Variants in CMPK2 observed in about 807,000 individuals in gnomAD.
The protein encoded by CMPK2 is cytidine/uridine monophosphate kinase 2.
CMPK2 carries 32 observed loss-of-function variants against 33.4 expected under a neutral mutation model. That is an observed-to-expected ratio of 0.96 (90% confidence interval 0.72 to 1.29). The LOEUF is 1.29. Ranked by LOEUF, CMPK2 falls within the 50% of genes most tolerant of loss-of-function variation. The pLI, the probability that CMPK2 is intolerant of heterozygous loss-of-function variation, is 0.00. For synonymous variants in CMPK2, 299 were observed against 275.3 expected (o/e 1.09, Z -0.85); for missense variants, 672 against 616.0 (o/e 1.09, Z -0.96).
chr2:6,843,278 C>A (rs1026062437), intron 3 of CMPK2, among the ~76,000 whole-genome samples: 26 of 152,114 alleles, frequency 1.7e-4, no homozygotes, highest in African/African-American at 6.0e-4. Context: ...TTTGAGTTAG[C>A]AAAGTATTAG....
chr2:6,863,464 C>G lies in CMPK2; in HGVS notation c.790G>C (p.Gly264Arg). The change falls in exon 2 of 5, where the codon GGT becomes CGT. Residue 264 changes from glycine (G) to arginine (R), a missense_variant and splice_region_variant. Physicochemically the swap from Gly to Arg is moderately radical, Grantham distance 125 (BLOSUM62 -2). Transcript: ENST00000256722. ...TAACTAAAAGGTAATATTATCTTACCCGTGGCATCCAGTCCTTCGATGGCA... is the reference window on the plus strand; with the variant it reads ...TAACTAAAAGGTAATATTATCTTACGCGTGGCATCCAGTCCTTCGATGGCA... ...VVAIEGLDAT[G>R]KTTVTQSVAD... is the part of the protein sequence containing the mutation. 6.2e-7 allele frequency: 1 copy of G among 1,611,934 alleles called. No homozygotes were observed. The highest frequency in any genetic ancestry group is 8.5e-7 in the Non-Finnish European group (1 of 1,178,180).
chr2:6,850,005 T>C (rs1485224073), intron 4 of CMPK2, 32 bp from the exon 5 acceptor site: 1 of 1,535,290 alleles, frequency 6.5e-7, no homozygotes, highest in East Asian at 2.3e-5. Flanking sequence ...AGAGTTGGTC[T>C]ACTTTTTCAC....
At chr2:6,843,823 A>G (rs1182192412), downstream of CMPK2, among the ~76,000 whole-genome samples, 4 of 152,212 alleles carry the variant, frequency 2.6e-5, no homozygotes, top group Non-Finnish European at 4.4e-5. Context: ...GGAGGAGAGA[A>G]GGTCAGGACT....
intron 1 of CMPK2, among the ~76,000 whole-genome samples, 158 bp downstream of exon 1, chr2:6,864,864 G>T (rs1231038398): frequency 6.6e-6 from 1 of 152,198 alleles, no homozygotes; most frequent in East Asian, 1.9e-4. Context: ...TAAAAGAGTT[G>T]CCTGGCATAC....
chr2:6,848,926 GT>G lies in CMPK2; in HGVS notation c.*923del. ...ATTTAACAAGACAAATTAAGTTTGT[GT>G]AATGAAAATACACAACAAACATTGC... On this transcript the variant is annotated 3_prime_UTR_variant, in exon 5 of 5. Coordinates refer to ENST00000256722, the MANE Select transcript of CMPK2 (RefSeq NM_207315.4). The G allele has an allele frequency of 1.0e-6, 1 of 985,720 alleles. No homozygotes were observed. The highest frequency in any genetic ancestry group is 1.2e-6 in the Non-Finnish European group (1 of 829,816). 61.1% of individuals were successfully genotyped at this position (985,720 alleles called of 1,614,324 possible).
intron 3 of CMPK2, among the ~76,000 whole-genome samples, chr2:6,841,536 CT>C (rs1662234768): frequency 6.6e-6 from 1 of 152,170 alleles, no homozygotes. Context: ...ATCTTAAGAA[CT>C]TTCCACTGAC....
Position 6,865,735 on chromosome 2 carries a change from A to G in CMPK2, c.-39T>C. The G allele has an allele frequency of 4.7e-6, 6 of 1,274,982 alleles. No individual in the cohort carries two copies. Among genetic ancestry groups the G allele is most frequent in the Non-Finnish European group, 5.9e-6 (6 of 1,011,560 alleles). 79.0% of individuals were successfully genotyped at this position (1,274,982 alleles called of 1,614,324 possible). On this transcript the variant is annotated 5_prime_UTR_variant, in exon 1 of 5. Transcript: ENST00000256722. ...ACGCCGCCCTCGGCCCCGCCTCGGA[A>G]ACGAAACCTGGCGGGAGCCAGGCGC...
At chr2:6,850,086 T>C (rs931057065) in intron 4 of CMPK2, 113 bp from the exon 5 acceptor site, 1 of 735,598 alleles carries the variant, frequency 1.4e-6, no homozygotes, top group African/African-American at 1.8e-5. Flanking sequence ...CCATGTCATT[T>C]ATCTCACTGT....
intron 2 of CMPK2, among the ~76,000 whole-genome samples, chr2:6,862,918 C>T (rs1662925353): frequency 6.6e-6 from 1 of 152,214 alleles, no homozygotes; most frequent in African/African-American, 2.4e-5. Flanking sequence ...ATGTCTGCCC[C>T]TTTTGTACTT....
downstream of CMPK2, among the ~76,000 whole-genome samples, chr2:6,843,715 G>C (rs773054127): frequency 6.6e-6 from 1 of 152,140 alleles, no homozygotes; most frequent in Admixed American, 6.5e-5. Flanking sequence ...GATTAAAAAG[G>C]CATGAGTAAA....
chr2:6,846,705 A>G (rs1558320111), downstream of CMPK2, among the ~76,000 whole-genome samples: 1 of 152,230 alleles, frequency 6.6e-6, no homozygotes. Flanking sequence ...GGGTAGCCCC[A>G]GCCAGAAACC....
intron 3 of CMPK2, among the ~76,000 whole-genome samples, chr2:6,842,779 C>A (rs1171219926): frequency 6.6e-6 from 1 of 152,120 alleles, no homozygotes; most frequent in Non-Finnish European, 1.5e-5. Flanking sequence ...TATCCACAAT[C>A]TGCAAAAAAC....
chr2:6,859,361 T>C (rs1361360064), intron 3 of CMPK2, among the ~76,000 whole-genome samples: 1 of 152,178 alleles, frequency 6.6e-6, no homozygotes, highest in Non-Finnish European at 1.5e-5. Flanking sequence ...CAAATGTTAA[T>C]CACCAAGACA....
chr2:6,854,548 C>T (rs1199650051), intron 3 of CMPK2, among the ~76,000 whole-genome samples: 1 of 152,144 alleles, frequency 6.6e-6, no homozygotes, highest in Non-Finnish European at 1.5e-5. Flanking sequence ...GAAGACAAAT[C>T]AAGGGAAGAA....
chr2:6,848,916 T>G lies in CMPK2; in HGVS notation c.*934A>C. Reference sequence around the variant, plus strand: ...CACTGTACTTATTTAACAAGACAAATTAAGTTTGTGTAATGAAAATACACA... The same window carrying G: ...CACTGTACTTATTTAACAAGACAAAGTAAGTTTGTGTAATGAAAATACACA... On this transcript the variant is annotated 3_prime_UTR_variant, in exon 5 of 5. Transcript: ENST00000256722. The G allele has an allele frequency of 1.0e-6, 1 of 985,724 alleles. No homozygotes were observed. The highest frequency in any genetic ancestry group is 1.2e-6 in the Non-Finnish European group (1 of 829,772). 61.1% of individuals were successfully genotyped at this position (985,724 alleles called of 1,614,324 possible).
chr2:6,865,884 C>G lies in CMPK2; in HGVS notation c.-188G>C. ...CCCTGGGGCTGGGGCGCCCTTCCGG[C>G]CTCTCCTCCTCGCCGCGAGATGTGC... On this transcript the variant is annotated 5_prime_UTR_variant, in exon 1 of 5. Coordinates refer to ENST00000256722, the MANE Select transcript of CMPK2 (RefSeq NM_207315.4). The G allele has an allele frequency of 7.1e-7, 1 of 1,401,896 alleles. No homozygotes were observed. Among genetic ancestry groups the G allele is most frequent in the Non-Finnish European group, 9.3e-7 (1 of 1,080,120 alleles). The allele number at this position is 1,401,896 out of a possible 1,614,324, so 86.8% of individuals were successfully genotyped here.
intron 3 of CMPK2, among the ~76,000 whole-genome samples, chr2:6,853,497 A>C (rs1202008569): frequency 6.6e-6 from 1 of 152,184 alleles, no homozygotes; most frequent in African/African-American, 2.4e-5. Flanking sequence ...AGTTGTTACA[A>C]ATACAGACAA....
Position 6,865,536 on chromosome 2 carries a change from T to TCGCCGGGGGCGTCGGCGC in CMPK2, c.143_160dup (p.Gly48_Gly53dup), listed in dbSNP as rs1346944796. The TCGCCGGGGGCGTCGGCGC allele has an allele frequency of 7.7e-6, 10 of 1,300,050 alleles. No individual in the cohort carries two copies. Among genetic ancestry groups the TCGCCGGGGGCGTCGGCGC allele is most frequent in the South Asian group, 2.3e-5 (1 of 44,154 alleles). The allele number at this position is 1,300,050 out of a possible 1,614,324, so 80.5% of individuals were successfully genotyped here. On this transcript the variant is annotated inframe_insertion, in exon 1 of 5. Transcript: ENST00000256722. ...CAGGCGGGGGTCGGGGGCGTCTGCGTCGCCGGGGGCGTCGGCGCCTAGGGC... is the reference window on the plus strand; with the variant it reads ...CAGGCGGGGGTCGGGGGCGTCTGCGTCGCCGGGGGCGTCGGCGCCGCCGGGGGCGTCGGCGCCTAGGGC...
intron 2 of CMPK2, among the ~76,000 whole-genome samples, chr2:6,862,717 G>C (rs1366782578): frequency 1.3e-5 from 2 of 152,182 alleles, no homozygotes; most frequent in Admixed American, 1.3e-4. Flanking sequence ...TGGTCAACAT[G>C]GGCCATCACC....
Sources: allele counts gnomAD v4.1 joint callset (sites outside exome capture counted in the v4.1 genomes callset), GRCh38; gene constraint gnomAD v4.1.1; transcripts MANE v1.5; gene names NCBI Gene and HGNC (gene_info 2026-07-23, HGNC 2026-07-21).